The following LMAN2 variants were observed in gnomAD, a reference collection of about 807,000 sequenced individuals.
LMAN2 encodes the protein lectin, mannose binding 2.
Under a neutral mutation model 39.3 loss-of-function variants are expected in LMAN2, and 22 were observed. The ratio of observed to expected loss-of-function variants is 0.56; its 90% CI spans 0.40 to 0.80. The LOEUF is 0.80. Ranked by LOEUF, LMAN2 falls within the 30% of genes least tolerant of loss-of-function variation. LMAN2 has a pLI of 0.00. For missense variants in LMAN2, 494 were observed against 505.4 expected, an observed-to-expected ratio of 0.98 and a Z score of 0.22; for synonymous variants, 207 against 207.8, an observed-to-expected ratio of 1.00 and a Z score of 0.03.
intron 2 of LMAN2, among the ~76,000 whole-genome samples, chr5:177,344,560 G>A (rs1463477080): frequency 2.6e-5 from 4 of 151,596 alleles, no homozygotes; most frequent in Non-Finnish European, 4.4e-5. Context: ...GATTATAGGC[G>A]TGAGCCACCG....
In LMAN2 at chr5:177,337,838, G is replaced by C; in HGVS notation, c.434-53C>G. On this transcript the variant is annotated intron_variant, in intron 3 of 7. Coordinates refer to ENST00000303127, the MANE Select transcript of LMAN2 (RefSeq NM_006816.3). This position sits in a 1 kb window ranked among gnomAD's most constrained non-coding sequence, Gnocchi z 8.2. ...ATGGGAGAAACAGGAGCCGTCCCAT[G>C]GGTACCTAAAAGGCAAGCAATGCCA... 3 of 1,545,650 alleles carry C rather than the reference G, an allele frequency of 1.9e-6. No homozygotes were observed. Among genetic ancestry groups the C allele is most frequent in the Non-Finnish European group, 1.8e-6 (2 of 1,125,504 alleles).
Position 177,337,240 on chromosome 5 carries a change from T to G in LMAN2, c.686A>C (p.Asp229Ala). Reference sequence around the variant, plus strand: ...CTTCCACTCGTTCTTGTCCTCCAGGTCGGTCATCACCTGCAGGGCCCAGCA... The same window carrying G: ...CTTCCACTCGTTCTTGTCCTCCAGGGCGGTCATCACCTGCAGGGCCCAGCA... The part of the protein sequence containing the change: ...YSRGRLTVMT[D>A]LEDKNEWKNC... Residue 229 changes from aspartate to alanine, a missense_variant, in exon 6 of 8, where the codon GAC becomes GCC. Asp to Ala is a moderately radical substitution (Grantham distance 126). Transcript: ENST00000303127. This position sits in a 1 kb window ranked among gnomAD's most constrained non-coding sequence, Gnocchi z 8.2. 6.2e-7 allele frequency: 1 copy of G among 1,613,950 alleles called. No individual in the cohort carries two copies. The highest frequency in any genetic ancestry group is 8.5e-7 in the Non-Finnish European group (1 of 1,179,950).
chr5:177,340,777 A>T (rs1425741993), intron 2 of LMAN2, among the ~76,000 whole-genome samples: 1 of 150,734 alleles, frequency 6.6e-6, no homozygotes, highest in African/African-American at 2.4e-5. Context: ...CTCAAAAAAA[A>T]TCAGACTCAC....
intron 6 of LMAN2, 110 bp from the exon 7 acceptor site, chr5:177,334,513 C>T (rs1761440892): frequency 6.9e-7 from 1 of 1,451,920 alleles, no homozygotes; most frequent in Non-Finnish European, 9.1e-7. Flanking sequence ...ACCTGCCAGG[C>T]CCCTGGGGAG....
Position 177,337,721 on chromosome 5 carries a change from A to T in LMAN2, c.498T>A (p.Asn166Lys). 6.2e-7 allele frequency: 1 copy of T among 1,614,036 alleles called. No individual in the cohort carries two copies. The change falls in exon 4 of 8, where the codon AAT becomes AAA. Residue 166 changes from asparagine to lysine, a missense_variant. Physicochemically the swap from Asn to Lys is moderately conservative, Grantham distance 94. Coordinates refer to ENST00000303127, the MANE Select transcript of LMAN2 (RefSeq NM_006816.3). The surrounding 1 kb of genome is among the most constrained non-coding windows in gnomAD (Gnocchi z 8.2). ...GLAIFLDTYP[N>K]DETTERVFPY... is the part of the protein sequence containing the mutation. ...AGGGGCCTACCTCAGTGGTCTCATCATTGGGGTAGGTGTCCAGGAAGATGG... is the reference window on the plus strand; with the variant it reads ...AGGGGCCTACCTCAGTGGTCTCATCTTTGGGGTAGGTGTCCAGGAAGATGG...
Position 177,337,027 on chromosome 5 carries a change from C to T in LMAN2, c.790+109G>A. 1.3e-6 allele frequency: 1 copy of T among 768,950 alleles called. No homozygotes were observed. The highest frequency in any genetic ancestry group is 1.6e-5 in the South Asian group (1 of 63,282). 47.6% of individuals were successfully genotyped at this position (768,950 alleles called of 1,614,324 possible). A position where few individuals can be genotyped will look rare whatever the true frequency, so the allele number is the denominator to read the frequency against. On this transcript the variant is annotated intron_variant, in intron 6 of 7. Transcript: ENST00000303127. The surrounding 1 kb of genome is among the most constrained non-coding windows in gnomAD (Gnocchi z 8.2). ...GAAGAAAGGAGGAGGAGGAACACAG[C>T]CAGGTGAGCTCAGAAACCACATGAA...
chr5:177,335,922 A>T (rs897101883), intron 6 of LMAN2, among the ~76,000 whole-genome samples: 2 of 152,078 alleles, frequency 1.3e-5, no homozygotes, highest in South Asian at 2.1e-4. Context: ...GAAACCGAGA[A>T]CCACAGCCAA....
chr5:177,339,283 G>A (rs1761519475), intron 2 of LMAN2, among the ~76,000 whole-genome samples: 1 of 152,244 alleles, frequency 6.6e-6, no homozygotes, highest in African/African-American at 2.4e-5. Context: ...CCCAAGTGAG[G>A]AAAATCAGGC....
chr5:177,334,804 C>G (rs1761445239), intron 6 of LMAN2, among the ~76,000 whole-genome samples: 1 of 152,156 alleles, frequency 6.6e-6, no homozygotes, highest in Non-Finnish European at 1.5e-5. Flanking sequence ...AAAAACAGAC[C>G]CGGGAAAGAC....
At chr5:177,338,722 G>A in intron 2 of LMAN2, 117 bp from the exon 3 acceptor site, 1 of 781,242 alleles carries the variant, frequency 1.3e-6, no homozygotes, top group Non-Finnish European at 2.2e-6. Context: ...GCTAAGACTG[G>A]GCACTCCTTG....
chr5:177,350,200 C>T (rs1427850076), intron 2 of LMAN2, among the ~76,000 whole-genome samples: 1 of 152,156 alleles, frequency 6.6e-6, no homozygotes, highest in African/African-American at 2.4e-5. Flanking sequence ...AACACAAGGA[C>T]AGTGTGGGTT....
At chr5:177,335,917 C>T (rs528443525) in intron 6 of LMAN2, among the ~76,000 whole-genome samples, 11 of 152,114 alleles carry the variant, frequency 7.2e-5, no homozygotes, top group Non-Finnish European at 1.3e-4. Context: ...AAAGAGAAAC[C>T]GAGAACCACA....
rs780425979 is a variant in LMAN2 at position 177,337,295 on chromosome 5, C to T, written c.676-45G>A. The T allele has an allele frequency of 6.2e-7, 1 of 1,612,112 alleles. No individual in the cohort carries two copies. Reference sequence around the variant, plus strand: ...AAGCACCTCGCAGGACAGCAGCCTGCCCTCCTGAGCCTCTGTGGGACCAGC... The same window carrying T: ...AAGCACCTCGCAGGACAGCAGCCTGTCCTCCTGAGCCTCTGTGGGACCAGC... On this transcript the variant is annotated intron_variant, in intron 5 of 7. Transcript: ENST00000303127. This position sits in a 1 kb window ranked among gnomAD's most constrained non-coding sequence, Gnocchi z 8.2.
At chr5:177,341,069 T>C (rs1026665404) in intron 2 of LMAN2, among the ~76,000 whole-genome samples, 8 of 141,394 alleles carry the variant, frequency 5.7e-5, no homozygotes, top group African/African-American at 1.3e-4. Flanking sequence ...TTTTTCTTTT[T>C]TTTTTTTTTT....
intron 2 of LMAN2, among the ~76,000 whole-genome samples, chr5:177,344,214 C>G (rs1413942609): frequency 6.6e-6 from 1 of 150,946 alleles, no homozygotes; most frequent in Non-Finnish European, 1.5e-5. Flanking sequence ...TGAGACCCCC[C>G]CCATCTCTAA....
chr5:177,337,730 G>C lies in LMAN2; in HGVS notation c.489C>G (p.Thr163=). The C allele has an allele frequency of 6.2e-7, 1 of 1,614,040 alleles. No homozygotes were observed. Residue 163 remains threonine, a synonymous_variant, in exon 4 of 8, where the codon ACC becomes ACG. Coordinates refer to ENST00000303127, the MANE Select transcript of LMAN2 (RefSeq NM_006816.3). This position sits in a 1 kb window ranked among gnomAD's most constrained non-coding sequence, Gnocchi z 8.2. ...CCTCAGTGGTCTCATCATTGGGGTA[G>C]GTGTCCAGGAAGATGGCTAAGCCGT... The part of the protein sequence containing the change: ...NFHGLAIFLD[T]YPNDETTERV...
chr5:177,335,119 G>T (rs184912492), intron 6 of LMAN2, among the ~76,000 whole-genome samples: 3 of 152,234 alleles, frequency 2.0e-5, no homozygotes, highest in Non-Finnish European at 2.9e-5. Flanking sequence ...TCTGAGGAAA[G>T]GCCTTGTTGA....
intron 2 of LMAN2, among the ~76,000 whole-genome samples, chr5:177,349,178 C>G (rs190854541): frequency 6.6e-6 from 1 of 152,246 alleles, no homozygotes; most frequent in African/African-American, 2.4e-5. Flanking sequence ...CTTAAGAGTT[C>G]TAGTCAACTC....
chr5:177,337,554 G>C lies in LMAN2; in HGVS notation c.514-30C>G. On this transcript the variant is annotated intron_variant, in intron 4 of 7. Coordinates refer to ENST00000303127, the MANE Select transcript of LMAN2 (RefSeq NM_006816.3). This position sits in a 1 kb window ranked among gnomAD's most constrained non-coding sequence, Gnocchi z 8.2. ...GACCAAGACATCGGTTACTCCACAAGCAGCCCAGCCTGTGGGGCGAGCAGG... is the reference window on the plus strand; with the variant it reads ...GACCAAGACATCGGTTACTCCACAACCAGCCCAGCCTGTGGGGCGAGCAGG... 6.2e-7 allele frequency: 1 copy of C among 1,611,292 alleles called. No individual in the cohort carries two copies. The highest frequency in any genetic ancestry group is 8.5e-7 in the Non-Finnish European group (1 of 1,177,818).
Sources: gnomAD v4.1 joint callset for allele counts (sites outside exome capture counted in the v4.1 genomes callset) on GRCh38, gnomAD v4.1.1 for gene constraint, Gnocchi (gnomAD v3.1) non-coding constraint, MANE v1.5 for transcripts, NCBI Gene and HGNC (gene_info 2026-07-23, HGNC 2026-07-21) for gene names.